Variants in PPP1R9A observed in about 807,000 individuals in gnomAD.
PPP1R9A encodes protein phosphatase 1 regulatory subunit 9A.
A neutral mutation model predicts 141.9 loss-of-function variants in PPP1R9A; 59 were observed. That is an observed-to-expected ratio of 0.42 (90% confidence interval 0.34 to 0.52). PPP1R9A has a LOEUF of 0.52. Ranked by LOEUF, PPP1R9A falls within the 20% of genes least tolerant of loss-of-function variation. The pLI, the probability that PPP1R9A is intolerant of heterozygous loss-of-function variation, is 0.10. For synonymous variants in PPP1R9A, 500 were observed against 569.7 expected (o/e 0.88, Z 1.74); for missense variants, 1,444 against 1,611.9 (o/e 0.90, Z 1.78).
intron 2 of PPP1R9A, among the ~76,000 whole-genome samples, chr7:95,100,007 A>G (rs1192304270): frequency 6.6e-6 from 1 of 152,016 alleles, no homozygotes; most frequent in Non-Finnish European, 1.5e-5. Context: ...ATATATGAAA[A>G]TTTAACTTTT....
At chr7:95,028,193 A>C (rs778208036) in intron 2 of PPP1R9A, among the ~76,000 whole-genome samples, 1 of 152,190 alleles carries the variant, frequency 6.6e-6, no homozygotes, top group African/African-American at 2.4e-5. Flanking sequence ...ACTGTAGAGA[A>C]ATCAAGTATA....
At chr7:95,098,860 T>C (rs1818385160) in intron 2 of PPP1R9A, among the ~76,000 whole-genome samples, 1 of 152,134 alleles carries the variant, frequency 6.6e-6, no homozygotes, top group Non-Finnish European at 1.5e-5. Context: ...CAGTCACCCC[T>C]GGGGGATTTT....
At chr7:95,164,741 CTTTTTTTTT>C (rs200177321) in intron 5 of PPP1R9A, among the ~76,000 whole-genome samples, 16 of 66,134 alleles carry the variant, frequency 2.4e-4, no homozygotes, top group African/African-American at 5.7e-4. Flanking sequence ...CTTTTCTTTT[CTTTTTTTTT>C]TTTTTTTTTT....
At chr7:94,985,407 A>G (rs1800690387) in intron 2 of PPP1R9A, among the ~76,000 whole-genome samples, 1 of 152,168 alleles carries the variant, frequency 6.6e-6, no homozygotes. Flanking sequence ...TGATCTGTCT[A>G]ATATTCACAG....
At chr7:95,032,100 AT>A (rs1287485159) in intron 2 of PPP1R9A, among the ~76,000 whole-genome samples, 1 of 152,164 alleles carries the variant, frequency 6.6e-6, no homozygotes, top group African/African-American at 2.4e-5. Flanking sequence ...TCTGTTTGAA[AT>A]TTGGGGAAAC....
chr7:95,061,699 G>T (rs866333686), intron 2 of PPP1R9A, among the ~76,000 whole-genome samples: 2 of 152,232 alleles, frequency 1.3e-5, no homozygotes, highest in South Asian at 4.1e-4. Context: ...TTGTGCCACT[G>T]CCCTCCAGCT....
intron 2 of PPP1R9A, among the ~76,000 whole-genome samples, chr7:95,045,899 G>A (rs1401914896): frequency 6.6e-6 from 1 of 152,196 alleles, no homozygotes; most frequent in African/African-American, 2.4e-5. Context: ...GGCTTATAAT[G>A]GAGCAACAGA....
intron 4 of PPP1R9A, among the ~76,000 whole-genome samples, chr7:95,121,699 A>G (rs1305575670): frequency 6.6e-6 from 1 of 152,130 alleles, no homozygotes; most frequent in Non-Finnish European, 1.5e-5. Context: ...TTAAGGGGCC[A>G]CATCTGATGA....
At chr7:95,126,298 A>G (rs1823548842) in intron 4 of PPP1R9A, among the ~76,000 whole-genome samples, 1 of 152,202 alleles carries the variant, frequency 6.6e-6, no homozygotes, top group Admixed American at 6.5e-5. Context: ...TGTGTCAATA[A>G]GTAACTATCC....
At position 95,252,131 on chromosome 7, in the gene PPP1R9A, G is replaced by A; in HGVS notation, c.2665+1G>A. The A allele has an allele frequency of 6.3e-7, 1 of 1,580,070 alleles. No individual in the cohort carries two copies. The highest frequency in any genetic ancestry group is 8.6e-7 in the Non-Finnish European group (1 of 1,169,064). On this transcript the variant is annotated splice_donor_variant, in intron 12 of 19. Transcript: ENST00000433360. LOFTEE classifies it high-confidence loss of function. ...TCTTGCCAAGATGGCCTAAGTCAAG[G>A]TTTGTTTAACCCAACCACAAAAATC... is the stretch of plus-strand genomic sequence containing the variant.
chr7:94,996,923 C>T lies in PPP1R9A; in HGVS notation c.1395+85415C>T, dbSNP rs1346915334. 4.6e-5 allele frequency among the ~76,000 whole-genome samples: 7 copies of T among 151,940 alleles called. No homozygotes were observed. In the East Asian group the frequency reaches 7.8e-4, roughly 17 times the overall value. The stretch of plus-strand genomic sequence containing the variant: ...GTTCAAGCAATTCCCCTGCCCCAGC[C>T]GCCCAAGTAGCTGGGATTACAGGCA... On this transcript the variant is annotated intron_variant, in intron 2 of 19. Transcript: ENST00000433360.
intron 2 of PPP1R9A, among the ~76,000 whole-genome samples, chr7:95,069,420 G>A (rs1397849604): frequency 6.6e-6 from 1 of 151,988 alleles, no homozygotes; most frequent in Non-Finnish European, 1.5e-5. Context: ...CAGAAGGGAG[G>A]GCAGTTAAAA....
chr7:94,978,024 G>A (rs1417633611), intron 2 of PPP1R9A, among the ~76,000 whole-genome samples: 2 of 151,876 alleles, frequency 1.3e-5, no homozygotes, highest in Non-Finnish European at 2.9e-5. Context: ...GCCTCCCAAA[G>A]TGCTGGGATT....
Position 95,226,067 on chromosome 7 carries a change from T to A in PPP1R9A, c.2063T>A (p.Phe688Tyr), listed in dbSNP as rs577955181. Residue 688 changes from phenylalanine (F) to tyrosine (Y), a missense_variant, in exon 8 of 20, where the codon TTT becomes TAT. Transcript: ENST00000433360. The part of the protein sequence containing the change: ...VFELPENEDM[F>Y]SPSELDTSKL... The stretch of plus-strand genomic sequence containing the variant: ...GAGCTGCCTGAGAATGAGGACATGT[T>A]TTCCCCATCAGAACTGGACACAAGC... 11 of 1,613,632 alleles carry A rather than the reference T, an allele frequency of 6.8e-6. No homozygotes were observed. In the East Asian group the frequency reaches 2.5e-4, roughly 36 times the overall value.
At chr7:95,028,185 T>A (rs1807161062) in intron 2 of PPP1R9A, among the ~76,000 whole-genome samples, 1 of 152,142 alleles carries the variant, frequency 6.6e-6, no homozygotes, top group Non-Finnish European at 1.5e-5. Context: ...AAGACAATAC[T>A]GTAGAGAAAT....
intron 2 of PPP1R9A, among the ~76,000 whole-genome samples, chr7:95,008,685 G>C (rs182839563): frequency 2.0e-5 from 3 of 152,194 alleles, no homozygotes; most frequent in South Asian, 2.1e-4. Flanking sequence ...TAAAAGCAGT[G>C]GTCTGGAAGT....
Position 94,910,846 on chromosome 7 carries a change from A to T in PPP1R9A, c.733A>T (p.Asn245Tyr). The change falls in exon 2 of 20, where the codon AAT becomes TAT. Residue 245 changes from asparagine to tyrosine, a missense_variant. Transcript: ENST00000433360. This position sits in a 1 kb window ranked among gnomAD's most constrained non-coding sequence, Gnocchi z 4.5. ...GAATTTACCATCTGTTACTGTTACAAATCTTGACACATTTGGTCACCTGAA... is the reference window on the plus strand; with the variant it reads ...GAATTTACCATCTGTTACTGTTACATATCTTGACACATTTGGTCACCTGAA... The part of the protein sequence containing the change: ...PLNLPSVTVT[N>Y]LDTFGHLKDS... 6.2e-7 allele frequency: 1 copy of T among 1,613,904 alleles called. No homozygotes were observed. Among genetic ancestry groups the T allele is most frequent in the Non-Finnish European group, 8.5e-7 (1 of 1,180,022 alleles).
intron 18 of PPP1R9A, 130 bp from the exon 19 acceptor site, chr7:95,288,406 C>T (rs1395820739): frequency 2.3e-6 from 3 of 1,319,840 alleles, no homozygotes; most frequent in Non-Finnish European, 3.0e-6. Flanking sequence ...ACCACTAGAA[C>T]CATTAGCTTA....
Position 95,284,215 on chromosome 7 carries a change from A to G in PPP1R9A, c.3494A>G (p.Lys1165Arg), listed in dbSNP as rs1191397289. 2 of 1,571,228 alleles carry G rather than the reference A, an allele frequency of 1.3e-6. No individual in the cohort carries two copies. The highest frequency in any genetic ancestry group is 8.7e-7 in the Non-Finnish European group (1 of 1,154,078). ...ETLISDKKGSKVENTWITKAN... is the reference protein window; with the variant it reads ...ETLISDKKGSRVENTWITKAN... Reference sequence around the variant, plus strand: ...CTAATTTCAGATAAAAAGGGGTCCAAGGTAGAAAACACATGGATTACAAAA... The same window carrying G: ...CTAATTTCAGATAAAAAGGGGTCCAGGGTAGAAAACACATGGATTACAAAA... Residue 1165 changes from lysine (K) to arginine (R), a missense_variant, in exon 17 of 20, where the codon AAG becomes AGG. This residue lies in a region of PPP1R9A where 459 missense variants were observed against 513.8 expected (regional missense o/e 0.89). Coordinates refer to ENST00000433360, the MANE Select transcript of PPP1R9A (RefSeq NM_001166160.2).
Sources: allele counts gnomAD v4.1 joint callset (sites outside exome capture counted in the v4.1 genomes callset), GRCh38; gene constraint gnomAD v4.1.1; regional missense constraint gnomAD v4.1.1; non-coding constraint Gnocchi (gnomAD v3.1); transcripts MANE v1.5; gene names NCBI Gene and HGNC (gene_info 2026-07-23, HGNC 2026-07-21).